UGT1A10: variants seen among roughly 807,000 people sequenced by gnomAD.
The protein encoded by UGT1A10 is UDP glucuronosyltransferase family 1 member A10, also known as UDP-glucuronosyltransferase 1A10.
Under a neutral mutation model 45.8 loss-of-function variants are expected in UGT1A10, and 49 were observed. The ratio of observed to expected loss-of-function variants is 1.07; its 90% CI spans 0.85 to 1.36. The LOEUF (loss-of-function observed/expected upper bound fraction) is 1.36, where lower values mean the gene tolerates loss of function less well. Among genes scored for constraint, UGT1A10 ranks in the 40% most tolerant of loss-of-function variants. UGT1A10 has a pLI of 0.00. For synonymous variants in UGT1A10, 284 were observed against 249.7 expected (o/e 1.14, Z -1.29); for missense variants, 745 against 668.6 (o/e 1.11, Z -1.26).
At chr2:233,679,214 T>A (rs573307529) in intron 1 of UGT1A10, among the ~76,000 whole-genome samples, 7 of 152,224 alleles carry the variant, frequency 4.6e-5, no homozygotes, top group Non-Finnish European at 1.0e-4. Flanking sequence ...GGGTTCTGGG[T>A]GGCTAGGGAA....
intron 1 of UGT1A10, among the ~76,000 whole-genome samples, chr2:233,677,891 T>G (rs1322580202): frequency 2.6e-5 from 4 of 152,032 alleles, no homozygotes; most frequent in Non-Finnish European, 5.9e-5. Context: ...GCAGCTCTAT[T>G]CAGAATAGAA....
intron 1 of UGT1A10, among the ~76,000 whole-genome samples, chr2:233,678,993 A>G (rs12053462): frequency 0.18 from 27,826 of 152,210 alleles, 2,767 homozygotes; most frequent in Non-Finnish European, 0.23. Flanking sequence ...TCTTTCTATA[A>G]TAACAGTGGC....
At chr2:233,676,997 AT>A (rs1303405574) in intron 1 of UGT1A10, among the ~76,000 whole-genome samples, 15 of 149,548 alleles carry the variant, frequency 1.0e-4, no homozygotes, top group South Asian at 2.1e-4. Flanking sequence ...GTTACCTCTA[AT>A]TTTTTTTTTC....
chr2:233,680,710 T>G (rs1198457516), intron 1 of UGT1A10, among the ~76,000 whole-genome samples: 3 of 152,166 alleles, frequency 2.0e-5, no homozygotes, highest in East Asian at 3.9e-4. Context: ...AGATGTAATC[T>G]CATCCTCAAG....
chr2:233,654,657 C>G (rs1249855815), intron 1 of UGT1A10, among the ~76,000 whole-genome samples: 3 of 152,208 alleles, frequency 2.0e-5, no homozygotes, highest in Admixed American at 2.0e-4. Flanking sequence ...CATAGCAACA[C>G]CAATTGCTAC....
chr2:233,757,560 A>ATATATATATATATATATATATGTG (rs904896556), intron 1 of UGT1A10, among the ~76,000 whole-genome samples: 3 of 123,154 alleles, frequency 2.4e-5, no homozygotes, highest in Admixed American at 7.8e-5. Context: ...ATATATATAT[A>ATATATATATATATATATATATGTG]TGTATATATG....
chr2:233,741,893 G>A (rs1575644502), intron 1 of UGT1A10: 1 of 151,848 alleles, frequency 6.6e-6, no homozygotes. Context: ...TAGAAGAAGG[G>A]ACCCTTTGTG....
intron 1 of UGT1A10, chr2:233,750,593 G>A (rs978024854): frequency 2.0e-5 from 3 of 152,058 alleles, no homozygotes; most frequent in Admixed American, 6.5e-5. Context: ...GGAGGCCTAG[G>A]AAGGAAAAAT....
intron 1 of UGT1A10, among the ~76,000 whole-genome samples, chr2:233,694,600 T>A (rs1158201480): frequency 6.6e-6 from 1 of 152,238 alleles, no homozygotes; most frequent in Non-Finnish European, 1.5e-5. Flanking sequence ...TTGAAGGGCT[T>A]CAGGCAACTC....
chr2:233,713,567 C>A (rs1231652913), intron 1 of UGT1A10: 9 of 1,613,854 alleles, frequency 5.6e-6, no homozygotes, highest in Non-Finnish European at 7.6e-6. Flanking sequence ...ACCCTTCCTC[C>A]TATATTCCTA....
chr2:233,651,960 T>G (rs532097207), intron 1 of UGT1A10, among the ~76,000 whole-genome samples: 8 of 152,180 alleles, frequency 5.3e-5, no homozygotes, highest in Non-Finnish European at 1.0e-4. Context: ...TAGCAGATCA[T>G]CATTCAAGAG....
intron 1 of UGT1A10, among the ~76,000 whole-genome samples, chr2:233,677,778 A>C (rs2074399445): frequency 1.3e-5 from 2 of 152,202 alleles, no homozygotes; most frequent in Non-Finnish European, 1.5e-5. Flanking sequence ...GAGATTTTGC[A>C]AAGAACTTAA....
intron 1 of UGT1A10, among the ~76,000 whole-genome samples, chr2:233,746,994 GT>G (rs1693533640): frequency 6.6e-6 from 1 of 151,864 alleles, no homozygotes; most frequent in South Asian, 2.1e-4. Flanking sequence ...GGTCAGATGA[GT>G]TTTTCAAGTA....
chr2:233,703,922 A>G (rs2125594260), intron 1 of UGT1A10, among the ~76,000 whole-genome samples: 1 of 151,456 alleles, frequency 6.6e-6, no homozygotes, highest in East Asian at 1.9e-4. Flanking sequence ...ACAAAATCTC[A>G]TTCTGTTACC....
chr2:233,755,086 G>A (rs1190713460), intron 1 of UGT1A10: 3 of 1,335,468 alleles, frequency 2.2e-6, no homozygotes, highest in Non-Finnish European at 3.0e-6. Flanking sequence ...TAGATATCGC[G>A]TTTCTACGCG....
At chr2:233,719,081 G>C (rs146146688) in intron 1 of UGT1A10, 13 of 1,614,146 alleles carry the variant, frequency 8.1e-6, no homozygotes, top group South Asian at 1.1e-5. Context: ...GGACCCAGAA[G>C]GAATTTGATC....
intron 1 of UGT1A10, among the ~76,000 whole-genome samples, chr2:233,650,187 CT>C (rs1364139387): frequency 3.3e-5 from 5 of 152,146 alleles, no homozygotes; most frequent in African/African-American, 9.7e-5. Flanking sequence ...TCAGGCTGGT[CT>C]CGAACTCCTG....
At chr2:233,706,181 G>A (rs1050859033) in intron 1 of UGT1A10, among the ~76,000 whole-genome samples, 7 of 152,212 alleles carry the variant, frequency 4.6e-5, no homozygotes, top group African/African-American at 1.4e-4. Context: ...TGGTGTGTCT[G>A]CCCAGGCTGC....
intron 3 of UGT1A10, 137 bp downstream of exon 3, chr2:233,768,073 G>T: frequency 6.3e-7 from 1 of 1,593,970 alleles, no homozygotes; most frequent in Non-Finnish European, 8.6e-7. Context: ...TATCTAGTGG[G>T]GTATCTCAAC....
Sources: allele counts gnomAD v4.1 joint callset (sites outside exome capture counted in the v4.1 genomes callset), GRCh38; gene constraint gnomAD v4.1.1; transcripts MANE v1.5; gene names NCBI Gene and HGNC (gene_info 2026-07-23, HGNC 2026-07-21).